Variants in TENM2 observed in about 807,000 individuals in gnomAD.
The protein encoded by TENM2 is teneurin transmembrane protein 2.
A neutral mutation model predicts 245.2 loss-of-function variants in TENM2; 52 were observed. The observed-to-expected ratio is 0.21, with a 90% CI of 0.17 to 0.27. The LOEUF is 0.27. Among genes scored for constraint, TENM2 ranks in the 10% least tolerant of loss-of-function variants. The pLI, the probability that TENM2 is intolerant of heterozygous loss-of-function variation, is 1.00. For synonymous variants in TENM2, 1,363 were observed against 1,438.9 expected, an observed-to-expected ratio of 0.95 and a Z score of 1.19; for missense variants, 3,046 against 3,666.8, an observed-to-expected ratio of 0.83 and a Z score of 4.37.
intron 2 of TENM2, among the ~76,000 whole-genome samples, chr5:167,459,564 A>G (rs1020989592): frequency 6.6e-6 from 1 of 152,166 alleles, no homozygotes; most frequent in African/African-American, 2.4e-5. Context: ...GGATAATAAT[A>G]TGTTTAATTT....
the TENM2 span, among the ~76,000 whole-genome samples, chr5:167,174,940 G>A: frequency 6.6e-6 from 1 of 151,310 alleles, no homozygotes; most frequent in South Asian, 2.1e-4. Context: ...TCTGTGTCTG[G>A]CTAATTTCGC....
chr5:168,221,953 TAAC>T (rs1184119534), intron 23 of TENM2, among the ~76,000 whole-genome samples: 1 of 152,168 alleles, frequency 6.6e-6, no homozygotes, highest in Non-Finnish European at 1.5e-5. Flanking sequence ...AAATGCAAAT[TAAC>T]AACAGGAGCC....
intron 2 of TENM2, among the ~76,000 whole-genome samples, chr5:167,559,000 A>T (rs1773423893): frequency 6.6e-6 from 1 of 152,220 alleles, no homozygotes; most frequent in Non-Finnish European, 1.5e-5. Flanking sequence ...CCCTGAGGAC[A>T]GGAGCAACAG....
intron 2 of TENM2, among the ~76,000 whole-genome samples, chr5:167,695,101 G>A (rs938750790): frequency 4.5e-4 from 68 of 152,128 alleles, no homozygotes; most frequent in Non-Finnish European, 1.6e-4. Flanking sequence ...TTTTAGCCAT[G>A]CTTATTCACA....
chr5:167,545,913 T>C (rs2127612600), intron 2 of TENM2, among the ~76,000 whole-genome samples: 1 of 152,340 alleles, frequency 6.6e-6, no homozygotes, highest in Non-Finnish European at 1.5e-5. Flanking sequence ...AGGAACAAAC[T>C]TGGCAGCATC....
At chr5:167,929,149 GGGAGGGAAGGAAGGAAAGAA>G (rs1273225929) in intron 3 of TENM2, among the ~76,000 whole-genome samples, 1 of 143,732 alleles carries the variant, frequency 7.0e-6, no homozygotes, top group Non-Finnish European at 1.5e-5. Flanking sequence ...AAGGGAGGGA[GGGAGGGAAGGAAGGAAAGAA>G]GGAGGGAAGG....
Position 167,749,268 on chromosome 5 carries a change from T to C in TENM2, c.503-126718T>C, listed in dbSNP as rs560765556. On this transcript the variant is annotated intron_variant, in intron 2 of 28. Coordinates refer to ENST00000518659, the Ensembl canonical transcript of TENM2. The stretch of plus-strand genomic sequence containing the variant: ...TAAATAAGACATTATTCCTGCCTTT[T>C]AAAGACTGACACTTCAGTAATTAAG... Among the ~76,000 whole-genome samples, 111 of 152,284 alleles carry C rather than the reference T, an allele frequency of 7.3e-4. 2 individuals carry two copies. The South Asian group carries it at 0.015, about 20-fold the overall frequency.
At chr5:168,211,452 A>G (rs1380073318) in intron 19 of TENM2, among the ~76,000 whole-genome samples, 1 of 152,202 alleles carries the variant, frequency 6.6e-6, no homozygotes, top group East Asian at 1.9e-4. Context: ...CTTAGTCAGG[A>G]GGCATATTTC....
the TENM2 span, among the ~76,000 whole-genome samples, chr5:167,237,872 G>A: frequency 2.6e-5 from 4 of 152,082 alleles, no homozygotes; most frequent in South Asian, 2.1e-4. Flanking sequence ...TTAGCTGGGC[G>A]TGGTGGCACA....
chr5:167,720,592 T>C (rs1759561763), intron 2 of TENM2, among the ~76,000 whole-genome samples: 1 of 152,258 alleles, frequency 6.6e-6, no homozygotes, highest in Non-Finnish European at 1.5e-5. Context: ...GATGCTCACA[T>C]CAGATTGCTG....
chr5:167,182,953 A>G, the TENM2 span, among the ~76,000 whole-genome samples: 1 of 152,200 alleles, frequency 6.6e-6, no homozygotes, highest in Non-Finnish European at 1.5e-5. Context: ...ATGCAAGAAG[A>G]AATGCTGATA....
the TENM2 span, among the ~76,000 whole-genome samples, chr5:167,135,114 G>T: frequency 1.5e-3 from 227 of 152,252 alleles, 1 homozygote; most frequent in African/African-American, 4.9e-3. Context: ...CATAATAGTT[G>T]CCTGTAATTG....
At chr5:167,835,518 CTCT>C (rs1343353247) in intron 2 of TENM2, among the ~76,000 whole-genome samples, 4 of 152,140 alleles carry the variant, frequency 2.6e-5, no homozygotes, top group Non-Finnish European at 1.5e-5. Flanking sequence ...ATCTTTTCCC[CTCT>C]TCTTTTAGTC....
the TENM2 span, among the ~76,000 whole-genome samples, chr5:167,105,090 C>T: frequency 3.3e-5 from 5 of 152,010 alleles, no homozygotes; most frequent in African/African-American, 7.3e-5. Context: ...TTGTCAGACA[C>T]GTATTTCAAG....
At chr5:167,486,604 A>AG (rs1768091019) in intron 2 of TENM2, among the ~76,000 whole-genome samples, 1 of 152,190 alleles carries the variant, frequency 6.6e-6, no homozygotes, top group Non-Finnish European at 1.5e-5. Context: ...CTGGGATTAC[A>AG]GGCGTTAGCC....
At position 167,321,279 on chromosome 5, in the gene TENM2, A is replaced by G. The variant is rs72645745; in HGVS notation, c.226+36216A>G. Among the ~76,000 whole-genome samples, 2,815 of 152,242 alleles carry G rather than the reference A, an allele frequency of 0.018. 203 individuals carry two copies. The East Asian group carries it at 0.23, about 12-fold the overall frequency. ...CTGTGTATGAAAATAGACAAAGAAA[A>G]ATATAGGGCATTTTGGGGCTGTTCA... On this transcript the variant is annotated intron_variant, in intron 1 of 28. Coordinates refer to ENST00000518659, the Ensembl canonical transcript of TENM2.
At chr5:167,174,314 G>A in the TENM2 span, among the ~76,000 whole-genome samples, 3 of 152,070 alleles carry the variant, frequency 2.0e-5, no homozygotes, top group Non-Finnish European at 4.4e-5. Context: ...ACTTATGTAG[G>A]CATGAAGATT....
chr5:167,952,676 C>G, exon 4 of TENM2: 1 of 1,613,042 alleles, frequency 6.2e-7, no homozygotes, highest in Non-Finnish European at 8.5e-7. Context: ...ACTCGTCCGC[C>G]AACTCCCTCA....
chr5:167,288,480 A>G (rs1364616155), intron 1 of TENM2, among the ~76,000 whole-genome samples: 1 of 151,356 alleles, frequency 6.6e-6, no homozygotes, highest in Non-Finnish European at 1.5e-5. Context: ...AATGGCGTGA[A>G]CCTGGGAGGC....
Sources: allele counts gnomAD v4.1 joint callset (sites outside exome capture counted in the v4.1 genomes callset), GRCh38; gene constraint gnomAD v4.1.1; transcripts MANE v1.5; gene names NCBI Gene and HGNC (gene_info 2026-07-23, HGNC 2026-07-21).